The following EPHA6 variants were observed in gnomAD, a reference collection of about 807,000 sequenced individuals.
EPHA6 encodes ephrin type-A receptor 6.
A neutral mutation model predicts 112.0 loss-of-function variants in EPHA6; 50 were observed. The ratio of observed to expected loss-of-function variants is 0.45; its 90% CI spans 0.36 to 0.56. The LOEUF is 0.56. EPHA6 is among the 20% of genes least tolerant of loss of function. EPHA6 has a pLI of 0.00. For synonymous variants in EPHA6, 529 were observed against 490.7 expected, an observed-to-expected ratio of 1.08 and a Z score of -1.03; for missense variants, 1,280 against 1,417.4, an observed-to-expected ratio of 0.90 and a Z score of 1.56.
chr3:97,147,260 G>A (rs72922336), intron 3 of EPHA6, among the ~76,000 whole-genome samples: 6,070 of 152,144 alleles, frequency 0.04, 361 homozygotes, highest in African/African-American at 0.13. Flanking sequence ...ATTCATTTGG[G>A]CACATCTAAT....
At chr3:97,158,683 A>G (rs1474064039) in intron 3 of EPHA6, among the ~76,000 whole-genome samples, 1 of 152,112 alleles carries the variant, frequency 6.6e-6, no homozygotes, top group Non-Finnish European at 1.5e-5. Flanking sequence ...GTGAATCTGC[A>G]TTTTTTACAT....
chr3:96,976,888 A>G (rs1297617013), intron 2 of EPHA6, among the ~76,000 whole-genome samples: 1 of 152,164 alleles, frequency 6.6e-6, no homozygotes, highest in Non-Finnish European at 1.5e-5. Flanking sequence ...CCTCCAAAGG[A>G]TGTACTGTGA....
At chr3:97,213,506 G>A (rs921936107) in intron 3 of EPHA6, among the ~76,000 whole-genome samples, 3 of 152,154 alleles carry the variant, frequency 2.0e-5, no homozygotes, top group African/African-American at 7.2e-5. Flanking sequence ...AGCATTATGA[G>A]TTCTGATTCC....
At chr3:97,512,651 G>A (rs2107595613) in intron 10 of EPHA6, among the ~76,000 whole-genome samples, 1 of 152,188 alleles carries the variant, frequency 6.6e-6, no homozygotes, top group East Asian at 1.9e-4. Context: ...TGCAACCTGT[G>A]CCTCCGGGTT....
At chr3:97,653,119 A>G (rs2094117761) in intron 14 of EPHA6, among the ~76,000 whole-genome samples, 2 of 151,898 alleles carry the variant, frequency 1.3e-5, no homozygotes, top group Admixed American at 1.3e-4. Context: ...GGTAGTGGGG[A>G]TAAAAGTGCT....
At chr3:97,618,313 C>A (rs2093783587) in intron 13 of EPHA6, among the ~76,000 whole-genome samples, 1 of 152,030 alleles carries the variant, frequency 6.6e-6, no homozygotes, top group African/African-American at 2.4e-5. Flanking sequence ...TAAATACCCA[C>A]CTCAAAAATC....
chr3:96,926,856 G>A (rs1445694701), intron 2 of EPHA6, among the ~76,000 whole-genome samples: 1 of 152,174 alleles, frequency 6.6e-6, no homozygotes, highest in African/African-American at 2.4e-5. Flanking sequence ...TGTGCAAACT[G>A]TCAGTGGATC....
intron 2 of EPHA6, among the ~76,000 whole-genome samples, chr3:96,982,953 C>T (rs536518550): frequency 6.6e-6 from 1 of 152,104 alleles, no homozygotes; most frequent in Non-Finnish European, 1.5e-5. Flanking sequence ...TGTGTCTCTG[C>T]ATATGTGATG....
chr3:97,459,524 A>G (rs1172637502), intron 7 of EPHA6, among the ~76,000 whole-genome samples: 1 of 152,150 alleles, frequency 6.6e-6, no homozygotes, highest in African/African-American at 2.4e-5. Flanking sequence ...ATGCAATGCC[A>G]TCCTTACCTT....
intron 14 of EPHA6, among the ~76,000 whole-genome samples, chr3:97,697,298 G>A (rs929726210): frequency 2.0e-5 from 3 of 152,246 alleles, no homozygotes; most frequent in African/African-American, 2.4e-5. Context: ...GAATAATGTA[G>A]GATAGGTTTA....
chr3:97,243,943 T>C lies in EPHA6; in HGVS notation c.1271-9T>C. 1 of 1,582,196 alleles carries C rather than the reference T, an allele frequency of 6.3e-7. No homozygotes were observed. The highest frequency in any genetic ancestry group is 1.4e-5 in the African/African-American group (1 of 73,910). ...TATGTACATTTGTTTTTTAATTGCT[T>C]TTCTCTAGGGCCACCTTCAGCTCCT... is the stretch of plus-strand genomic sequence containing the variant. On this transcript the variant is annotated splice_polypyrimidine_tract_variant and intron_variant, in intron 4 of 17. Transcript: ENST00000389672.
intron 1 of EPHA6, among the ~76,000 whole-genome samples, chr3:96,863,768 A>G (rs905889297): frequency 6.6e-6 from 1 of 152,014 alleles, no homozygotes; most frequent in African/African-American, 2.4e-5. Flanking sequence ...GAATTAACTT[A>G]TTGGTCATAA....
At chr3:97,674,042 GCA>G (rs2031119753) in intron 14 of EPHA6, among the ~76,000 whole-genome samples, 1 of 152,174 alleles carries the variant, frequency 6.6e-6, no homozygotes, top group African/African-American at 2.4e-5. Flanking sequence ...TGATGTATGT[GCA>G]GAACGACAGA....
intron 2 of EPHA6, among the ~76,000 whole-genome samples, chr3:96,958,467 T>G (rs187311650): frequency 2.0e-4 from 30 of 152,296 alleles, no homozygotes; most frequent in African/African-American, 7.2e-4. Context: ...TGCATGTAAA[T>G]CTCTAGTACA....
intron 3 of EPHA6, among the ~76,000 whole-genome samples, chr3:97,088,246 G>T (rs1046952125): frequency 6.6e-6 from 1 of 152,070 alleles, no homozygotes; most frequent in African/African-American, 2.4e-5. Context: ...ACTTGTTAAA[G>T]ATACAGTATT....
intron 5 of EPHA6, among the ~76,000 whole-genome samples, chr3:97,361,437 C>G (rs976634050): frequency 5.3e-5 from 8 of 152,136 alleles, no homozygotes; most frequent in African/African-American, 1.7e-4. Flanking sequence ...ATGAATCATA[C>G]AGTTCGGCTT....
At chr3:97,517,910 C>A (rs2092472820) in intron 10 of EPHA6, among the ~76,000 whole-genome samples, 1 of 152,108 alleles carries the variant, frequency 6.6e-6, no homozygotes, top group South Asian at 2.1e-4. Context: ...CCCTGTTGCA[C>A]AAGTAACAGA....
chr3:97,120,736 T>C (rs1422369352), intron 3 of EPHA6, among the ~76,000 whole-genome samples: 1 of 151,960 alleles, frequency 6.6e-6, no homozygotes, highest in Admixed American at 6.6e-5. Context: ...ATACCATGAC[T>C]CTATGGTCTG....
At chr3:97,691,801 T>A (rs185757396) in intron 14 of EPHA6, among the ~76,000 whole-genome samples, 53 of 152,340 alleles carry the variant, frequency 3.5e-4, no homozygotes, top group Admixed American at 2.4e-3. Flanking sequence ...TGGAAGAGCA[T>A]AAACCACATG....
Sources: gnomAD v4.1 joint callset for allele counts (sites outside exome capture counted in the v4.1 genomes callset) on GRCh38, gnomAD v4.1.1 for gene constraint, MANE v1.5 for transcripts, NCBI Gene and HGNC (gene_info 2026-07-23, HGNC 2026-07-21) for gene names.